Variants in CLDN19 observed in about 807,000 individuals in gnomAD.
CLDN19 encodes the protein claudin-19.
Under a neutral mutation model 24.5 loss-of-function variants are expected in CLDN19, and 19 were observed. The ratio of observed to expected loss-of-function variants is 0.78; its 90% CI spans 0.54 to 1.14. The LOEUF (loss-of-function observed/expected upper bound fraction) is 1.14, where lower values mean the gene tolerates loss of function less well. Ranked by LOEUF, CLDN19 falls within the 50% of genes most tolerant of loss-of-function variation. The pLI is 0.00. For missense variants in CLDN19, 250 were observed against 295.9 expected (o/e 0.84, Z 1.14); for synonymous variants, 117 against 129.6 (o/e 0.90, Z 0.66).
intron 3 of CLDN19, 69 bp downstream of exon 3, chr1:42,738,160 G>A: frequency 8.0e-7 from 1 of 1,254,534 alleles, no homozygotes; most frequent in Non-Finnish European, 1.2e-6. Context: ...CCCCCGCCAG[G>A]TGATCCAGTG....
chr1:42,735,070 G>A lies in CLDN19; in HGVS notation c.*16C>T. 1 of 1,585,748 alleles carries A rather than the reference G, an allele frequency of 6.3e-7. No homozygotes were observed. Among genetic ancestry groups the A allele is most frequent in the Middle Eastern group, 1.7e-4 (1 of 6,004 alleles). ...CTAGGTATGGCAGGGGACAGAGCCT[G>A]GCTGGGGACTGGACATTACACACCC... On this transcript the variant is annotated 3_prime_UTR_variant, in exon 5 of 5. Transcript: ENST00000296387.
intron 4 of CLDN19, chr1:42,735,651 G>A (rs1433791171): frequency 1.2e-5 from 17 of 1,435,190 alleles, no homozygotes; most frequent in Non-Finnish European, 1.5e-5. Context: ...GCCTGGACCT[G>A]CATCTGTGTG....
chr1:42,737,807 C>T (rs146141521), intron 3 of CLDN19, among the ~76,000 whole-genome samples: 1,782 of 152,278 alleles, frequency 0.012, 30 homozygotes, highest in African/African-American at 0.041. Context: ...CTCTGCCTCC[C>T]GAGTAGCTGA....
chr1:42,739,317 A>C (rs570935530), intron 1 of CLDN19, among the ~76,000 whole-genome samples: 1 of 152,300 alleles, frequency 6.6e-6, no homozygotes, highest in Non-Finnish European at 1.5e-5. Context: ...TCCACACCCC[A>C]GAAGGAGAGG....
In CLDN19 at chr1:42,738,438, G is replaced by A; in HGVS notation, c.371C>T (p.Ala124Val). ...AKGRVAIAGG[A>V]LFILAGLCTL... is the part of the protein sequence containing the mutation. ...GCACTCACCTGCCAGGATGAAGAGG[G>A]CTCCCCCGGCGATGGCAACACGGCC... Residue 124 changes from alanine to valine, a missense_variant, in exon 2 of 5, where the codon GCC becomes GTC. Transcript: ENST00000296387. 6.2e-7 allele frequency: 1 copy of A among 1,613,984 alleles called. No homozygotes were observed. The highest frequency in any genetic ancestry group is 8.5e-7 in the Non-Finnish European group (1 of 1,180,036).
Position 42,738,280 on chromosome 1 carries a change from G to A in CLDN19, c.422C>T (p.Ala141Val), listed in dbSNP as rs375722346. The change falls in exon 3 of 5, where the codon GCC (alanine) becomes GTC (valine). Residue 141 changes from alanine to valine, a missense_variant. Physicochemically the swap from Ala to Val is moderately conservative, Grantham distance 64 (BLOSUM62 0). Coordinates refer to ENST00000296387, the MANE Select transcript of CLDN19 (RefSeq NM_148960.3). ...GAAGAACTCCTGGGTCACCAGGGTG[G>A]CATACCACGAGACAGCAGTCAAAGT... ...LCTLTAVSWYATLVTQEFFNP... is the reference protein window; with the variant it reads ...LCTLTAVSWYVTLVTQEFFNP... 10 of 1,613,916 alleles carry A rather than the reference G, an allele frequency of 6.2e-6. No homozygotes were observed. Among genetic ancestry groups the A allele is most frequent in the Non-Finnish European group, 8.5e-6 (10 of 1,180,020 alleles).
At position 42,740,002 on chromosome 1, in the gene CLDN19, A is replaced by T; in HGVS notation, c.62T>A (p.Ile21Asn). The T allele has an allele frequency of 6.3e-7, 1 of 1,579,680 alleles. No individual in the cohort carries two copies. Among genetic ancestry groups the T allele is most frequent in the Non-Finnish European group, 8.6e-7 (1 of 1,162,468 alleles). ...CTGTGGCAGGGCTGTGCTAGCAATG[A>T]TGCCCACCCAGCCACCCAGGGCCAA... Reference protein sequence around the residue: ...YFLALGGWVGIIASTALPQWK... With the variant: ...YFLALGGWVGNIASTALPQWK... The change falls in exon 1 of 5, where the codon ATC becomes AAC. Residue 21 changes from isoleucine to asparagine, a missense_variant. By Grantham distance (149) the Ile-to-Asn change is moderately radical. Transcript: ENST00000296387.
Position 42,740,095 on chromosome 1 carries a change from C to G in CLDN19, c.-32G>C, listed in dbSNP as rs1378884318. On this transcript the variant is annotated 5_prime_UTR_variant, in exon 1 of 5. Transcript: ENST00000296387. ...GGAGAGAGGACCGAGGGTCCCAGGA[C>G]TCAGAGCTGGGCCAGGGTGCCAGCA... 7.2e-6 allele frequency: 11 copies of G among 1,526,006 alleles called. No homozygotes were observed. The highest frequency in any genetic ancestry group is 9.8e-6 in the Non-Finnish European group (11 of 1,127,854). 94.5% of individuals were successfully genotyped at this position (1,526,006 alleles called of 1,614,324 possible).
Position 42,734,808 on chromosome 1 carries a change from A to AG in CLDN19, c.*277dup, listed in dbSNP as rs532996510. The AG allele has an allele frequency of 3.2e-4, 136 of 429,212 alleles. No individual in the cohort carries two copies. The highest frequency in any genetic ancestry group is 2.3e-3 in the African/African-American group (117 of 50,986). The allele number at this position is 429,212 out of a possible 1,614,324, so 26.6% of individuals were successfully genotyped here. ...TGCCAAGGCCAAGGCCAGGCTTGGG[A>AG]GGGGGGTCCCTAGACAGAGGGTAGG... On this transcript the variant is annotated 3_prime_UTR_variant, in exon 5 of 5. Coordinates refer to ENST00000296387, the MANE Select transcript of CLDN19 (RefSeq NM_148960.3).
At chr1:42,737,529 G>A (rs952468491) in intron 3 of CLDN19, among the ~76,000 whole-genome samples, 2 of 152,186 alleles carry the variant, frequency 1.3e-5, no homozygotes, top group African/African-American at 4.8e-5. Context: ...GCCCGGGCAC[G>A]GTGCCACACC....
At chr1:42,736,750 G>T (rs534644665) in intron 3 of CLDN19, among the ~76,000 whole-genome samples, 1 of 152,196 alleles carries the variant, frequency 6.6e-6, no homozygotes, top group Non-Finnish European at 1.5e-5. Context: ...TGCTTGTCCG[G>T]CTCCCTGGGA....
chr1:42,738,778 A>G (rs545504195), intron 1 of CLDN19, among the ~76,000 whole-genome samples, 193 bp from the exon 2 acceptor site: 1 of 152,038 alleles, frequency 6.6e-6, no homozygotes, highest in East Asian at 1.9e-4. Context: ...TGGGGGTGAG[A>G]GTCCCCTTCA....
At chr1:42,736,253 G>A (rs944271583) in intron 3 of CLDN19, among the ~76,000 whole-genome samples, 2 of 151,726 alleles carry the variant, frequency 1.3e-5, no homozygotes, top group Admixed American at 6.6e-5. Context: ...GGGTAGGCGT[G>A]AAGGCTAGAG....
chr1:42,738,651 C>G, intron 1 of CLDN19, 66 bp from the exon 2 acceptor site: 2 of 1,527,972 alleles, frequency 1.3e-6, no homozygotes, highest in East Asian at 2.4e-5. Context: ...TGCCTGGGGT[C>G]GGTGGAAGGA....
chr1:42,737,164 C>T (rs1392868911), intron 3 of CLDN19, among the ~76,000 whole-genome samples: 1 of 152,228 alleles, frequency 6.6e-6, no homozygotes, highest in African/African-American at 2.4e-5. Flanking sequence ...AGAGCATCCC[C>T]TTCAGTTCCC....
At position 42,735,027 on chromosome 1, in the gene CLDN19, A is replaced by C; in HGVS notation, c.*59T>G. 7.2e-7 allele frequency: 1 copy of C among 1,386,848 alleles called. No homozygotes were observed. Among genetic ancestry groups the C allele is most frequent in the Non-Finnish European group, 1.0e-6 (1 of 976,940 alleles). 85.9% of individuals were successfully genotyped at this position (1,386,848 alleles called of 1,614,324 possible). A position where few individuals can be genotyped will look rare whatever the true frequency, so the allele number is the denominator to read the frequency against. On this transcript the variant is annotated 3_prime_UTR_variant, in exon 5 of 5. Coordinates refer to ENST00000296387, the MANE Select transcript of CLDN19 (RefSeq NM_148960.3). Reference sequence around the variant, plus strand: ...TGGATGTTCACTTCTCTTTCCAAAAAAATATGAAACACACAGTCTAGGTAT... The same window carrying C: ...TGGATGTTCACTTCTCTTTCCAAAACAATATGAAACACACAGTCTAGGTAT...
intron 3 of CLDN19, among the ~76,000 whole-genome samples, chr1:42,736,573 C>A (rs1651381510): frequency 6.6e-6 from 1 of 152,170 alleles, no homozygotes; most frequent in Non-Finnish European, 1.5e-5. Context: ...GCTGGGGCAC[C>A]AAGCCCCCCA....
chr1:42,740,120 A>AG lies in CLDN19; in HGVS notation c.-58dup. 7.1e-7 allele frequency: 1 copy of AG among 1,401,438 alleles called. No individual in the cohort carries two copies. Among genetic ancestry groups the AG allele is most frequent in the South Asian group, 1.2e-5 (1 of 81,056 alleles). The allele number at this position is 1,401,438 out of a possible 1,614,324, so 86.8% of individuals were successfully genotyped here. A position where few individuals can be genotyped will look rare whatever the true frequency, so the allele number is the denominator to read the frequency against. On this transcript the variant is annotated 5_prime_UTR_variant, in exon 1 of 5. It removes the in-frame stop codon of an upstream open reading frame in the 5' UTR. Transcript: ENST00000296387. The stretch of plus-strand genomic sequence containing the variant: ...CTCAGAGCTGGGCCAGGGTGCCAGC[A>AG]GGGGCTTTGGTCATGGCCAGGTGGG...
intron 3 of CLDN19, 141 bp from the exon 4 acceptor site, chr1:42,736,171 G>C: frequency 1.6e-6 from 1 of 626,622 alleles, no homozygotes. Flanking sequence ...CAGATAAATT[G>C]AGGTGAATGC....
Sources: allele counts gnomAD v4.1 joint callset (sites outside exome capture counted in the v4.1 genomes callset), GRCh38; gene constraint gnomAD v4.1.1; transcripts MANE v1.5; gene names NCBI Gene and HGNC (gene_info 2026-07-23, HGNC 2026-07-21).